Variants in BRWD1 observed in about 807,000 individuals in gnomAD.
BRWD1 encodes bromodomain and WD repeat-containing protein 1.
Under a neutral mutation model 251.2 loss-of-function variants are expected in BRWD1, and 82 were observed. That is an observed-to-expected ratio of 0.33 (90% CI 0.27 to 0.39). BRWD1 has a LOEUF of 0.39. Ranked by LOEUF, BRWD1 falls within the 10% of genes least tolerant of loss-of-function variation. BRWD1 has a pLI of 1.00. For missense variants in BRWD1, 2,233 were observed against 2,711.6 expected (o/e 0.82, Z 3.92); for synonymous variants, 918 against 902.8 (o/e 1.02, Z -0.30).
intron 38 of BRWD1, 185 bp from the exon 39 acceptor site, chr21:39,200,571 G>A: frequency 6.6e-6 from 3 of 456,124 alleles, no homozygotes; most frequent in Non-Finnish European, 1.1e-5. Flanking sequence ...AGTATTAAAA[G>A]GTACATAATC....
chr21:39,212,817 ATGT>A (rs1405692754), intron 33 of BRWD1, 110 bp from the exon 34 acceptor site: 8 of 724,650 alleles, frequency 1.1e-5, no homozygotes, highest in Non-Finnish European at 1.8e-5. Context: ...GAGTTATAAC[ATGT>A]TATTATCAAA....
intron 38 of BRWD1, among the ~76,000 whole-genome samples, chr21:39,201,864 T>G (rs2032125872): frequency 6.6e-6 from 1 of 152,198 alleles, no homozygotes; most frequent in African/African-American, 2.4e-5. Flanking sequence ...TTGTCATAAT[T>G]CAGCAAAACC....
chr21:39,219,398 C>A (rs1340095500), intron 29 of BRWD1: 1 of 150,220 alleles, frequency 6.7e-6, no homozygotes, highest in Non-Finnish European at 1.5e-5. Flanking sequence ...CCAGCCTGGG[C>A]AACAGGGCAA....
At chr21:39,274,544 G>A in intron 12 of BRWD1, 72 bp from the exon 13 acceptor site, 22 of 1,190,178 alleles carry the variant, frequency 1.8e-5, no homozygotes, top group Admixed American at 1.2e-4. Context: ...AAAATCACAT[G>A]CAAAAAAAGA....
At position 39,264,628 on chromosome 21, in the gene BRWD1, T is replaced by G. The variant is rs1484622549; in HGVS notation, c.1717A>C (p.Asn573His). 1.2e-6 allele frequency: 2 copies of G among 1,612,880 alleles called. No individual in the cohort carries two copies. Among genetic ancestry groups the G allele is most frequent in the African/African-American group, 2.7e-5 (2 of 74,870 alleles). ...TGAGTTTGCTCATCTAAGACATAATTATTAGAATCTCTAATAAGTGGTCGA... is the reference window on the plus strand; with the variant it reads ...TGAGTTTGCTCATCTAAGACATAATGATTAGAATCTCTAATAAGTGGTCGA... The part of the protein sequence containing the change: ...DYRPLIRDSN[N>H]YVLDEQTQQA... Residue 573 changes from asparagine (N) to histidine (H), a missense_variant, in exon 17 of 41, where the codon AAT (asparagine) becomes CAT (histidine). Transcript: ENST00000342449.
intron 8 of BRWD1, among the ~76,000 whole-genome samples, chr21:39,287,260 G>A (rs529008095): frequency 1.8e-4 from 27 of 152,120 alleles, no homozygotes; most frequent in African/African-American, 5.5e-4. Context: ...TTACACTAAC[G>A]TTTGTCCCTT....
chr21:39,313,778 C>T (rs997961188), upstream of BRWD1: 9 of 386,758 alleles, frequency 2.3e-5, no homozygotes, highest in Admixed American at 1.5e-4. Flanking sequence ...TCTCTGCCTC[C>T]GGGGACTCGA....
rs189890735 is a variant in BRWD1 at position 39,197,754 on chromosome 21, T to C, written c.5654-339A>G. Among the ~76,000 whole-genome samples, 62 of 152,304 alleles carry C rather than the reference T, an allele frequency of 4.1e-4. No individual in the cohort carries two copies. The East Asian group carries it at 8.3e-3, about 20-fold the overall frequency. On this transcript the variant is annotated intron_variant, in intron 40 of 40. Transcript: ENST00000342449. The stretch of plus-strand genomic sequence containing the variant: ...CTACTGTTCTGAATCCTGCAGGCAG[T>C]TGTCACACAATGGTAAGTCTGTGTC...
In BRWD1 at chr21:39,295,776, T is replaced by G; in HGVS notation, c.576A>C (p.Val192=). The G allele has an allele frequency of 6.2e-7, 1 of 1,607,010 alleles. No individual in the cohort carries two copies. The highest frequency in any genetic ancestry group is 8.5e-7 in the Non-Finnish European group (1 of 1,175,932). Residue 192 remains valine, a synonymous_variant, in exon 7 of 41, where the codon GTA becomes GTC. Coordinates refer to ENST00000342449, the MANE Select transcript of BRWD1 (RefSeq NM_033656.4). ...TTCTATGTCCTGTCCTATCAAATGC[T>G]ACACAGTAAACAGCAGATAGATGTC... is the stretch of plus-strand genomic sequence containing the variant. ...ILGHLSAVYC[V]AFDRTGHRIF...
intron 4 of BRWD1, 60 bp downstream of exon 4, chr21:39,312,781 G>T (rs1305574407): frequency 6.1e-5 from 86 of 1,416,784 alleles, no homozygotes; most frequent in Non-Finnish European, 8.0e-5. Context: ...GCGAGGGGAA[G>T]GGGCGGGGGC....
Position 39,313,584 on chromosome 21 carries a change from G to GGC in BRWD1, c.-95_-94dup. 2.8e-6 allele frequency: 3 copies of GGC among 1,054,950 alleles called. No homozygotes were observed. Among genetic ancestry groups the GGC allele is most frequent in the South Asian group, 3.3e-5 (1 of 30,228 alleles). The allele number at this position is 1,054,950 out of a possible 1,614,324, so 65.3% of individuals were successfully genotyped here. ...ACCGGGCTGGCGTCCCCTCTTCTCA[G>GGC]GCGCGCGCCGCCGCCGCCGCCGCCG... On this transcript the variant is annotated 5_prime_UTR_variant, in exon 1 of 41. The change abolishes the stop of an existing upstream ORF in the 5' untranslated region. Coordinates refer to ENST00000342449, the MANE Select transcript of BRWD1 (RefSeq NM_033656.4).
In BRWD1 at chr21:39,261,023, G is replaced by A. The variant is rs551488116; in HGVS notation, c.1886-2351C>T. On this transcript the variant is annotated intron_variant, in intron 17 of 40. Coordinates refer to ENST00000342449, the MANE Select transcript of BRWD1 (RefSeq NM_033656.4). ...GCGGATCACCTGAGGTCAGGAGTTC[G>A]AGACCAGACTGGCCAGCATGGTGAA... 2.3e-3 allele frequency among the ~76,000 whole-genome samples: 351 copies of A among 152,170 alleles called. 5 individuals carry two copies. Among genetic ancestry groups the A allele is most frequent in the Non-Finnish European group, 1.3e-3 (86 of 68,004 alleles).
intron 15 of BRWD1, among the ~76,000 whole-genome samples, chr21:39,268,333 C>G (rs895834131): frequency 2.0e-5 from 3 of 151,216 alleles, no homozygotes; most frequent in Non-Finnish European, 4.4e-5. Context: ...CCCAGCTATT[C>G]GGGAGGCTGA....
chr21:39,290,485 C>G (rs372670940), intron 8 of BRWD1, among the ~76,000 whole-genome samples: 1 of 142,780 alleles, frequency 7.0e-6, no homozygotes, highest in Non-Finnish European at 1.5e-5. Flanking sequence ...AGCAAGACTC[C>G]GTCTCAAAAA....
rs2031833956 is a variant in BRWD1 at position 39,196,679 on chromosome 21, T to G, written c.6390A>C (p.Arg2130Ser). The G allele has an allele frequency of 6.2e-7, 1 of 1,613,866 alleles. No individual in the cohort carries two copies. The highest frequency in any genetic ancestry group is 8.5e-7 in the Non-Finnish European group (1 of 1,179,910). The change falls in exon 41 of 41, where the codon AGA becomes AGC. Residue 2130 changes from arginine (R) to serine (S), a missense_variant. This residue lies in a region of BRWD1 where 928 missense variants were observed against 970.0 expected (regional missense o/e 0.96). Coordinates refer to ENST00000342449, the MANE Select transcript of BRWD1 (RefSeq NM_033656.4). ...ETAEKEVKRK[R>S]SHPELENVKI... ...TCACATTTTCCAATTCAGGATGCGA[T>G]CTCTTCCTTTTTACTTCCTTCTCTG...
intron 4 of BRWD1, among the ~76,000 whole-genome samples, chr21:39,307,431 GTATTATATGTATA>G (rs1436161764): frequency 6.6e-6 from 1 of 151,896 alleles, no homozygotes; most frequent in African/African-American, 2.4e-5. Flanking sequence ...GAATATCAAT[GTATTATATGTATA>G]TATTTTATGT....
intron 19 of BRWD1, 50 bp downstream of exon 19, chr21:39,255,595 A>C (rs1568921114): frequency 2.7e-6 from 4 of 1,456,216 alleles, no homozygotes; most frequent in Non-Finnish European, 3.8e-6. Flanking sequence ...TAACCATATA[A>C]ATATATTTTC....
chr21:39,281,197 A>C (rs182029777), intron 8 of BRWD1, among the ~76,000 whole-genome samples: 187 of 152,336 alleles, frequency 1.2e-3, no homozygotes, highest in African/African-American at 4.2e-3. Context: ...GGGTAACTGT[A>C]CTTTTCAAGT....
intron 4 of BRWD1, 170 bp downstream of exon 4, chr21:39,312,671 C>T (rs1207838231): frequency 6.9e-6 from 3 of 434,952 alleles, no homozygotes; most frequent in Non-Finnish European, 1.3e-5. Context: ...CAAACCTGGC[C>T]GCCTCAAAAA....
Sources: allele counts gnomAD v4.1 joint callset (sites outside exome capture counted in the v4.1 genomes callset), GRCh38; gene constraint gnomAD v4.1.1; regional missense constraint gnomAD v4.1.1; transcripts MANE v1.5; gene names NCBI Gene and HGNC (gene_info 2026-07-23, HGNC 2026-07-21).